The following AK4 variants were observed in gnomAD, a reference collection of about 807,000 sequenced individuals.
The protein encoded by AK4 is adenylate kinase 4, mitochondrial.
Under a neutral mutation model 24.6 loss-of-function variants are expected in AK4, and 13 were observed. The ratio of observed to expected loss-of-function variants is 0.53; its 90% confidence interval spans 0.34 to 0.84. The LOEUF is 0.84. AK4 is among the 40% of genes least tolerant of loss of function. The pLI, the probability that AK4 is intolerant of heterozygous loss-of-function variation, is 0.01. For synonymous variants in AK4, 88 were observed against 107.0 expected, an observed-to-expected ratio of 0.82 and a Z score of 1.10; for missense variants, 192 against 288.2, an observed-to-expected ratio of 0.67 and a Z score of 2.42.
At chr1:65,202,353 C>T (rs539952346) in intron 2 of AK4, among the ~76,000 whole-genome samples, 45 of 152,116 alleles carry the variant, frequency 3.0e-4, no homozygotes, top group Non-Finnish European at 3.7e-4. Context: ...GCTGAGATCG[C>T]GCCACTGCAC....
At chr1:65,154,617 C>G (rs1036154757) in intron 1 of AK4, 6 of 499,320 alleles carry the variant, frequency 1.2e-5, no homozygotes, top group Non-Finnish European at 2.0e-5. Flanking sequence ...TCCGTCAGTA[C>G]GCGAACGATA....
chr1:65,175,723 T>C (rs1650691125), intron 1 of AK4, among the ~76,000 whole-genome samples: 1 of 152,190 alleles, frequency 6.6e-6, no homozygotes, highest in African/African-American at 2.4e-5. Context: ...GTGCCTGCTA[T>C]GGTGGATACC....
intron 2 of AK4, among the ~76,000 whole-genome samples, chr1:65,205,772 A>G (rs569569586): frequency 6.6e-6 from 1 of 152,048 alleles, no homozygotes; most frequent in South Asian, 2.1e-4. Flanking sequence ...GTTATATTGG[A>G]TATTCTATTG....
intron 1 of AK4, among the ~76,000 whole-genome samples, chr1:65,180,183 C>T (rs1410599491): frequency 6.6e-6 from 1 of 152,120 alleles, no homozygotes; most frequent in Non-Finnish European, 1.5e-5. Context: ...TGCTGGGGCT[C>T]ATGTCTGTAA....
chr1:65,148,628 C>T, intron 1 of AK4, 76 bp downstream of exon 1: 1 of 1,438,502 alleles, frequency 7.0e-7, no homozygotes, highest in South Asian at 1.5e-5. Context: ...ACTGGGGCTC[C>T]CGGATCACGG....
At chr1:65,159,969 CAAAAAA>C (rs951802334) in intron 1 of AK4, among the ~76,000 whole-genome samples, 1 of 63,364 alleles carries the variant, frequency 1.6e-5, no homozygotes, top group Admixed American at 1.6e-4. Flanking sequence ...ACTATGTCTC[CAAAAAA>C]AAAAAAAAAA....
At position 65,225,334 on chromosome 1, in the gene AK4, G is replaced by A. The variant is rs920757210; in HGVS notation, c.557+464G>A. ...AAAATTCAAATGGCTGCAGGGGCTAGGGCAGGTATTGGAAATGAGTCTCAA... is the reference window on the plus strand; with the variant it reads ...AAAATTCAAATGGCTGCAGGGGCTAAGGCAGGTATTGGAAATGAGTCTCAA... On this transcript the variant is annotated intron_variant, in intron 4 of 4. Coordinates refer to ENST00000327299, the MANE Select transcript of AK4 (RefSeq NM_013410.4). 9.2e-5 allele frequency among the ~76,000 whole-genome samples: 14 copies of A among 152,262 alleles called. No homozygotes were observed. The South Asian group carries it at 2.5e-3, about 27-fold the overall frequency.
intron 2 of AK4, among the ~76,000 whole-genome samples, chr1:65,204,486 C>T (rs1208438784): frequency 6.6e-6 from 1 of 152,140 alleles, no homozygotes; most frequent in Non-Finnish European, 1.5e-5. Flanking sequence ...CAGGCGTGAG[C>T]CACCATACCT....
chr1:65,161,745 A>C (rs1650173922), intron 1 of AK4, among the ~76,000 whole-genome samples: 1 of 152,164 alleles, frequency 6.6e-6, no homozygotes, highest in African/African-American at 2.4e-5. Flanking sequence ...TTAATAGGCT[A>C]TAACGAGAGG....
Position 65,186,297 on chromosome 1 carries a change from A to G in AK4, c.146-4413A>G, listed in dbSNP as rs368889518. On this transcript the variant is annotated intron_variant, in intron 1 of 4. Coordinates refer to ENST00000327299, the MANE Select transcript of AK4 (RefSeq NM_013410.4). The stretch of plus-strand genomic sequence containing the variant: ...ATTACAGGCATGCATCACCATACCA[A>G]GCTAATTTTTTTGTATTTTTAGTAG... Among the ~76,000 whole-genome samples the G allele has an allele frequency of 6.8e-4, 104 of 151,892 alleles. 1 individual carries two copies. The highest frequency in any genetic ancestry group is 2.4e-3 in the African/African-American group (101 of 41,432).
Position 65,151,711 on chromosome 1 carries a change from C to T in AK4, c.145+3159C>T, listed in dbSNP as rs1370359869. Among the ~76,000 whole-genome samples, 4 of 152,320 alleles carry T rather than the reference C, an allele frequency of 2.6e-5. No homozygotes were observed. The East Asian group carries it at 7.7e-4, about 29-fold the overall frequency. ...AGTACATCTTAGTCCAGAAGTCAAGCAACCTATAGCATAGAGACCATTTTG... is the reference window on the plus strand; with the variant it reads ...AGTACATCTTAGTCCAGAAGTCAAGTAACCTATAGCATAGAGACCATTTTG... On this transcript the variant is annotated intron_variant, in intron 1 of 4. Transcript: ENST00000327299.
At chr1:65,169,414 G>GT (rs1217318950) in intron 1 of AK4, among the ~76,000 whole-genome samples, 1 of 152,116 alleles carries the variant, frequency 6.6e-6, no homozygotes, top group African/African-American at 2.4e-5. Context: ...GTATTTAAGA[G>GT]TGTAGGCTCT....
At chr1:65,190,961 T>G in intron 2 of AK4, 132 bp downstream of exon 2, 2 of 1,179,332 alleles carry the variant, frequency 1.7e-6, no homozygotes, top group Non-Finnish European at 2.3e-6. Flanking sequence ...ATATTGCAAT[T>G]TGGCAACATG....
At chr1:65,222,268 C>G (rs1652322318) in intron 3 of AK4, among the ~76,000 whole-genome samples, 1 of 152,198 alleles carries the variant, frequency 6.6e-6, no homozygotes, top group African/African-American at 2.4e-5. Flanking sequence ...GAAGATGGAG[C>G]CGCCATCTTG....
chr1:65,161,782 C>T (rs1446007931), intron 1 of AK4, among the ~76,000 whole-genome samples: 1 of 152,076 alleles, frequency 6.6e-6, no homozygotes, highest in Admixed American at 6.5e-5. Flanking sequence ...AATAAGACAC[C>T]TCATATACCT....
chr1:65,164,152 G>C (rs1220019513), intron 1 of AK4, among the ~76,000 whole-genome samples: 1 of 152,160 alleles, frequency 6.6e-6, no homozygotes, highest in African/African-American at 2.4e-5. Flanking sequence ...AGGCAAGAAG[G>C]GGTCTTTTCG....
chr1:65,173,700 A>G (rs563830721), intron 1 of AK4, among the ~76,000 whole-genome samples: 1 of 152,194 alleles, frequency 6.6e-6, no homozygotes, highest in East Asian at 1.9e-4. Flanking sequence ...CATCTCTACA[A>G]AATACAAAAA....
At chr1:65,151,690 C>G (rs1188361377) in intron 1 of AK4, among the ~76,000 whole-genome samples, 3 of 152,202 alleles carry the variant, frequency 2.0e-5, no homozygotes, top group Non-Finnish European at 2.9e-5. Flanking sequence ...CTAGACAGTA[C>G]ATCTTAGTCC....
rs71829208 is a variant in AK4, at chr1:65,156,925, C to CAA, written c.145+8387_145+8388dup. Among the ~76,000 whole-genome samples, 209 of 81,370 alleles carry CAA rather than the reference C, an allele frequency of 2.6e-3. 3 individuals are homozygous for CAA. The highest frequency in any genetic ancestry group is 7.8e-3 in the Middle Eastern group (1 of 128). 53.4% of individuals were successfully genotyped at this position (81,370 alleles called of 152,430 possible). On this transcript the variant is annotated intron_variant, in intron 1 of 4. Transcript: ENST00000327299. The stretch of plus-strand genomic sequence containing the variant: ...TGGACGACAGGGCGAGACTGTGTCT[C>CAA]AAAAAAAAAAAAAAAGAAAGAAAAT...
Sources: gnomAD v4.1 joint callset for allele counts (sites outside exome capture counted in the v4.1 genomes callset) on GRCh38, gnomAD v4.1.1 for gene constraint, MANE v1.5 for transcripts, NCBI Gene and HGNC (gene_info 2026-07-23, HGNC 2026-07-21) for gene names.